The following OXTR variants were observed in gnomAD, a reference collection of about 807,000 sequenced individuals.
OXTR encodes the protein oxytocin receptor.
A neutral mutation model predicts 23.9 loss-of-function variants in OXTR; 19 were observed. The observed-to-expected ratio is 0.80, with a 90% CI of 0.56 to 1.17. The LOEUF (loss-of-function observed/expected upper bound fraction) is 1.17, where lower values mean the gene tolerates loss of function less well. Among genes scored for constraint, OXTR ranks in the 50% most tolerant of loss-of-function variants. The probability of loss-of-function intolerance (pLI) is 0.00; values close to 1 mark genes in which losing one functional copy is unlikely to be tolerated. For missense variants in OXTR, 500 were observed against 550.7 expected (o/e 0.91, Z 0.92); for synonymous variants, 278 against 250.5 (o/e 1.11, Z -1.04).
chr3:8,768,252 A>G lies in OXTR; in HGVS notation c.-65T>C. On this transcript the variant is annotated 5_prime_UTR_variant, in exon 3 of 4. Transcript: ENST00000316793. The surrounding 1 kb of genome is among the most constrained non-coding windows in gnomAD (Gnocchi z 5.4). ...TTACGGCTTGGCGCGGCTGGGCCGG[A>G]TCCGGCGTGTCGGAGGGTGTAGGGG... 7.9e-7 allele frequency: 1 copy of G among 1,258,242 alleles called. No individual in the cohort carries two copies. Among genetic ancestry groups the G allele is most frequent in the Non-Finnish European group, 9.9e-7 (1 of 1,006,592 alleles). The allele number at this position is 1,258,242 out of a possible 1,614,324, so 77.9% of individuals were successfully genotyped here.
chr3:8,759,391 A>G (rs1708441505), intron 3 of OXTR, among the ~76,000 whole-genome samples: 1 of 152,044 alleles, frequency 6.6e-6, no homozygotes, highest in African/African-American at 2.4e-5. Context: ...ATTTTCTGAC[A>G]CTCTTTGGCT....
rs200058468 is a variant in OXTR, at chr3:8,750,733, A to C, written c.*2244T>G. On this transcript the variant is annotated 3_prime_UTR_variant, in exon 4 of 4. Transcript: ENST00000316793. ...GTACTTCATTTCTTTTTAGAGTCTA[A>C]TAATGTTCCATTGCGTGGACAGACC... 16 of 152,214 alleles carry C rather than the reference A, an allele frequency of 1.1e-4. No homozygotes were observed. Among genetic ancestry groups the C allele is most frequent in the Non-Finnish European group, 2.1e-4 (14 of 68,044 alleles). 9.4% of individuals were successfully genotyped at this position (152,214 alleles called of 1,614,324 possible). A position where few individuals can be genotyped will look rare whatever the true frequency, so the allele number is the denominator to read the frequency against.
the OXTR span, among the ~76,000 whole-genome samples, chr3:8,744,585 C>G: frequency 1.5e-4 from 23 of 151,214 alleles, no homozygotes; most frequent in African/African-American, 4.6e-4. Context: ...ACAGACAAGA[C>G]AGCTGAGGCT....
chr3:8,763,047 C>T (rs560868470), intron 3 of OXTR, among the ~76,000 whole-genome samples: 2 of 152,282 alleles, frequency 1.3e-5, no homozygotes, highest in Non-Finnish European at 2.9e-5. Flanking sequence ...TGGAGTTGTG[C>T]CACAAAACAG....
chr3:8,757,181 G>A (rs1283094938), intron 3 of OXTR, among the ~76,000 whole-genome samples: 7 of 151,838 alleles, frequency 4.6e-5, no homozygotes, highest in Admixed American at 1.3e-4. Flanking sequence ...GCATGGAGGC[G>A]GCACTCATAA....
chr3:8,744,275 AT>A, the OXTR span, among the ~76,000 whole-genome samples: 6,286 of 120,744 alleles, frequency 0.052, 93 homozygotes, highest in Non-Finnish European at 0.064. Flanking sequence ...GACCAGTGGA[AT>A]TTTTTTTTTT....
the OXTR span, among the ~76,000 whole-genome samples, chr3:8,745,319 A>G: frequency 1.3e-5 from 2 of 152,282 alleles, no homozygotes; most frequent in Non-Finnish European, 2.9e-5. This position sits in a 1 kb window ranked among gnomAD's most constrained non-coding sequence, Gnocchi z 4.8. Flanking sequence ...TCACAGACCC[A>G]TGGGCCAATT....
At chr3:8,753,640 G>C (rs1214873366) in intron 3 of OXTR, among the ~76,000 whole-genome samples, 1 of 152,190 alleles carries the variant, frequency 6.6e-6, no homozygotes, top group Non-Finnish European at 1.5e-5. Context: ...TTGCATGCTA[G>C]CCTCACCAGC....
chr3:8,753,351 A>G, intron 3 of OXTR, 127 bp from the exon 4 acceptor site: 2 of 1,137,350 alleles, frequency 1.8e-6, no homozygotes, highest in Non-Finnish European at 2.5e-6. Context: ...ATCCTGAATC[A>G]CAAGATGAGG....
chr3:8,768,170 T>C lies in OXTR; in HGVS notation c.18A>G (p.Ala6=). The C allele has an allele frequency of 7.5e-7, 1 of 1,324,844 alleles. No homozygotes were observed. 82.1% of individuals were successfully genotyped at this position (1,324,844 alleles called of 1,614,324 possible). Residue 6 remains alanine (A), a synonymous_variant, in exon 3 of 4, where the codon GCA becomes GCG. Coordinates refer to ENST00000316793, the MANE Select transcript of OXTR (RefSeq NM_000916.4). This position sits in a 1 kb window ranked among gnomAD's most constrained non-coding sequence, Gnocchi z 5.4. The part of the protein sequence containing the change: MEGAL[A]ANWSAEAANA... ...TGGCTGCCTCGGCGCTCCAGTTGGC[T>C]GCGAGCGCGCCCTCCATGACCCTGG...
At chr3:8,749,175 A>G (rs1708213500), downstream of OXTR, among the ~76,000 whole-genome samples, 1 of 152,110 alleles carries the variant, frequency 6.6e-6, no homozygotes, top group African/African-American at 2.4e-5. Context: ...AATGGTGAAA[A>G]TGCTCTCAAG....
rs754935140 is a variant in OXTR at position 8,767,573 on chromosome 3, C to G, written c.615G>C (p.Thr205=). Residue 205 remains threonine, a synonymous_variant, in exon 3 of 4, where the codon ACG becomes ACC. Coordinates refer to ENST00000316793, the MANE Select transcript of OXTR (RefSeq NM_000916.4). ...WGPKAYITWI[T]LAVYIVPVIV... ...TGACCGGCACGATGTAGACAGCTAG[C>G]GTGATCCATGTGATGTAGGCCTTGG... 1.2e-6 allele frequency: 2 copies of G among 1,613,474 alleles called. No individual in the cohort carries two copies. Among genetic ancestry groups the G allele is most frequent in the Non-Finnish European group, 1.7e-6 (2 of 1,179,806 alleles).
At chr3:8,760,907 A>G (rs1708470961) in intron 3 of OXTR, among the ~76,000 whole-genome samples, 1 of 151,820 alleles carries the variant, frequency 6.6e-6, no homozygotes, top group African/African-American at 2.4e-5. Flanking sequence ...ATTAGTTTAA[A>G]AAGCAGAACA....
intron 3 of OXTR, among the ~76,000 whole-genome samples, chr3:8,763,457 A>G (rs1002199585): frequency 1.3e-5 from 2 of 152,110 alleles, no homozygotes; most frequent in African/African-American, 4.8e-5. Flanking sequence ...ACCGCACCCA[A>G]TCAACATCAA....
the OXTR span, among the ~76,000 whole-genome samples, chr3:8,743,090 G>A: frequency 3.1e-4 from 38 of 124,402 alleles, 1 homozygote; most frequent in East Asian, 2.1e-3. Context: ...GTGAACTAAC[G>A]AGCAAGAACT....
Position 8,754,371 on chromosome 3 carries a change from C to A in OXTR, c.923-1147G>T, listed in dbSNP as rs545191861. Among the ~76,000 whole-genome samples the A allele has an allele frequency of 6.2e-4, 94 of 152,290 alleles. No homozygotes were observed. The Middle Eastern group carries it at 0.01, about 17-fold the overall frequency. ...TCTCCTGATGACAGACAAGGCCAGG[C>A]AACATCTCCAGAAACCCACAAGGAA... On this transcript the variant is annotated intron_variant, in intron 3 of 3. Transcript: ENST00000316793.
Position 8,768,233 on chromosome 3 carries a change from C to T in OXTR, c.-46G>A. The T allele has an allele frequency of 7.9e-7, 1 of 1,268,308 alleles. No individual in the cohort carries two copies. Among genetic ancestry groups the T allele is most frequent in the Non-Finnish European group, 9.9e-7 (1 of 1,012,500 alleles). The allele number at this position is 1,268,308 out of a possible 1,614,324, so 78.6% of individuals were successfully genotyped here. On this transcript the variant is annotated 5_prime_UTR_variant, in exon 3 of 4. Transcript: ENST00000316793. This position sits in a 1 kb window ranked among gnomAD's most constrained non-coding sequence, Gnocchi z 5.4. The stretch of plus-strand genomic sequence containing the variant: ...GCCCCGGCCTTCGAGCCCTTTACGG[C>T]TTGGCGCGGCTGGGCCGGATCCGGC...
At chr3:8,749,510 G>C (rs547286488), downstream of OXTR, among the ~76,000 whole-genome samples, 2 of 152,122 alleles carry the variant, frequency 1.3e-5, no homozygotes, top group Admixed American at 1.3e-4. Context: ...GGTGGGCAGC[G>C]AGGCATGAAT....
In OXTR at chr3:8,767,837, G is replaced by A. The variant is rs146243048; in HGVS notation, c.351C>T (p.Tyr117=). 1.4e-4 allele frequency: 226 copies of A among 1,612,534 alleles called. No homozygotes were observed. The African/African-American group carries it at 2.8e-3, about 20-fold the overall frequency. ...AGGCGAACATGCCCACCACCTGCAA[G>A]TACTTGACCAGGCGGCACAGCAGGT... ...GPDLLCRLVK[Y]LQVVGMFAST... Residue 117 remains tyrosine, a synonymous_variant, in exon 3 of 4, where the codon TAC becomes TAT. Transcript: ENST00000316793.
Sources: gnomAD v4.1 joint callset for allele counts (sites outside exome capture counted in the v4.1 genomes callset) on GRCh38, gnomAD v4.1.1 for gene constraint, Gnocchi (gnomAD v3.1) non-coding constraint, MANE v1.5 for transcripts, NCBI Gene and HGNC (gene_info 2026-07-23, HGNC 2026-07-21) for gene names.